Variants in PPFIA2 observed in about 807,000 individuals in gnomAD.
PPFIA2 encodes PPFI scaffold protein A2, also known as liprin-alpha-2.
PPFIA2 carries 46 observed loss-of-function variants against 175.5 expected under a neutral mutation model. The ratio of observed to expected loss-of-function variants is 0.26; its 90% CI spans 0.21 to 0.34. The LOEUF is 0.34. Among genes scored for constraint, PPFIA2 ranks in the 10% least tolerant of loss-of-function variants. PPFIA2 has a pLI of 1.00. For synonymous variants in PPFIA2, 568 were observed against 511.4 expected (o/e 1.11, Z -1.49); for missense variants, 1,179 against 1,506.1 (o/e 0.78, Z 3.60).
At chr12:81,319,010 T>C (rs1237517836) in intron 22 of PPFIA2, among the ~76,000 whole-genome samples, 1 of 151,738 alleles carries the variant, frequency 6.6e-6, no homozygotes, top group African/African-American at 2.4e-5. Context: ...TAAGAATTTA[T>C]TTAGAAAATG....
chr12:81,520,524 G>A (rs1489399371), intron 4 of PPFIA2, among the ~76,000 whole-genome samples: 1 of 152,180 alleles, frequency 6.6e-6, no homozygotes, highest in Non-Finnish European at 1.5e-5. Context: ...ATAAACACTT[G>A]TTCTTTCCTT....
At chr12:81,609,193 T>C (rs1257970182) in intron 4 of PPFIA2, among the ~76,000 whole-genome samples, 1 of 152,072 alleles carries the variant, frequency 6.6e-6, no homozygotes, top group Non-Finnish European at 1.5e-5. Flanking sequence ...CTGTTATGAG[T>C]AAGCATGTCA....
chr12:81,477,196 G>C (rs2057583856), intron 4 of PPFIA2, among the ~76,000 whole-genome samples: 1 of 151,708 alleles, frequency 6.6e-6, no homozygotes, highest in South Asian at 2.1e-4. Context: ...TACTGTACAT[G>C]TACCCTGGAA....
intron 5 of PPFIA2, among the ~76,000 whole-genome samples, chr12:81,456,438 T>C (rs2053582431): frequency 6.6e-6 from 1 of 152,158 alleles, no homozygotes; most frequent in Admixed American, 6.5e-5. Context: ...GGACATAAAT[T>C]CAGTTTGATC....
chr12:81,352,969 C>G (rs772084995), intron 17 of PPFIA2, 150 bp downstream of exon 17: 62 of 642,064 alleles, frequency 9.7e-5, no homozygotes, highest in Non-Finnish European at 1.5e-4. Flanking sequence ...AATACACATT[C>G]TGATTCAGTG....
intron 3 of PPFIA2, among the ~76,000 whole-genome samples, chr12:81,709,572 T>C (rs1222077559): frequency 3.3e-5 from 5 of 152,116 alleles, no homozygotes; most frequent in South Asian, 2.1e-4. Context: ...ATATGTCATA[T>C]ATATTTTACA....
chr12:81,259,656 G>C lies in PPFIA2; in HGVS notation c.*38C>G, dbSNP rs927358433. ...TTTAGGTAGAGTAGACTGAAAAGAC[G>C]CCATCTAAAATATACAATGGATAGC... On this transcript the variant is annotated 3_prime_UTR_variant, in exon 33 of 33. Coordinates refer to ENST00000549396, the MANE Select transcript of PPFIA2 (RefSeq NM_003625.5). 6.5e-7 allele frequency: 1 copy of C among 1,533,972 alleles called. No homozygotes were observed. The highest frequency in any genetic ancestry group is 1.4e-5 in the African/African-American group (1 of 72,908).
chr12:81,742,073 C>T (rs1482516453), intron 3 of PPFIA2, among the ~76,000 whole-genome samples: 1 of 152,108 alleles, frequency 6.6e-6, no homozygotes, highest in African/African-American at 2.4e-5. Flanking sequence ...ACCCGTTGGA[C>T]AGCAAGAACA....
chr12:81,516,439 G>A (rs1378191032), intron 4 of PPFIA2, among the ~76,000 whole-genome samples: 4 of 151,998 alleles, frequency 2.6e-5, no homozygotes, highest in East Asian at 3.9e-4. Context: ...CAAATATGTC[G>A]AAGTCCTAAC....
intron 7 of PPFIA2, among the ~76,000 whole-genome samples, chr12:81,432,527 G>C (rs565157681): frequency 6.8e-6 from 1 of 147,768 alleles, no homozygotes. Flanking sequence ...GTGCAGTGGC[G>C]TGATCTTGGC....
chr12:81,508,188 G>A (rs2061381929), intron 4 of PPFIA2, among the ~76,000 whole-genome samples: 1 of 151,918 alleles, frequency 6.6e-6, no homozygotes, highest in South Asian at 2.1e-4. Flanking sequence ...TATTCCTCGT[G>A]TATTATCTGC....
chr12:81,333,000 G>T (rs1010615847), intron 21 of PPFIA2, among the ~76,000 whole-genome samples: 1 of 152,264 alleles, frequency 6.6e-6, no homozygotes, highest in Admixed American at 6.5e-5. Flanking sequence ...AGTTGCCAGA[G>T]AAAAGACTTA....
intron 8 of PPFIA2, among the ~76,000 whole-genome samples, chr12:81,388,744 T>C (rs2039504759): frequency 6.6e-6 from 1 of 152,064 alleles, no homozygotes; most frequent in Admixed American, 6.6e-5. Flanking sequence ...TTTAAGATTC[T>C]AGAGCTCTGA....
intron 4 of PPFIA2, among the ~76,000 whole-genome samples, chr12:81,568,752 C>G (rs2071876245): frequency 6.6e-6 from 1 of 152,136 alleles, no homozygotes; most frequent in Non-Finnish European, 1.5e-5. Flanking sequence ...AGCTTCATGC[C>G]TGGCCTTCCT....
chr12:81,500,501 C>T (rs1456178772), intron 4 of PPFIA2, among the ~76,000 whole-genome samples: 1 of 152,194 alleles, frequency 6.6e-6, no homozygotes, highest in Non-Finnish European at 1.5e-5. Flanking sequence ...GGGCACAGAT[C>T]CCAGGCATAA....
chr12:81,440,215 G>C (rs952520124), intron 6 of PPFIA2, among the ~76,000 whole-genome samples, 169 bp from the exon 7 acceptor site: 11 of 152,104 alleles, frequency 7.2e-5, no homozygotes, highest in Non-Finnish European at 1.2e-4. Context: ...TGAATGCATT[G>C]TCACCTCGTA....
intron 22 of PPFIA2, among the ~76,000 whole-genome samples, chr12:81,321,649 A>G (rs1475904655): frequency 6.6e-6 from 1 of 152,128 alleles, no homozygotes; most frequent in African/African-American, 2.4e-5. Context: ...TACCTAAGCC[A>G]TGCTCTACCA....
At chr12:81,753,108 G>A (rs2084086476) in intron 3 of PPFIA2, among the ~76,000 whole-genome samples, 1 of 151,842 alleles carries the variant, frequency 6.6e-6, no homozygotes. Flanking sequence ...CTAATTTTTT[G>A]TATTTTAGTA....
At chr12:81,711,787 T>C (rs1435449652) in intron 3 of PPFIA2, among the ~76,000 whole-genome samples, 1 of 151,008 alleles carries the variant, frequency 6.6e-6, no homozygotes, top group South Asian at 2.1e-4. Flanking sequence ...TTACATTTTT[T>C]TTTTTTTAAT....
Sources: allele counts gnomAD v4.1 joint callset (sites outside exome capture counted in the v4.1 genomes callset), GRCh38; gene constraint gnomAD v4.1.1; transcripts MANE v1.5; gene names NCBI Gene and HGNC (gene_info 2026-07-23, HGNC 2026-07-21).